Variants in ADAM12 observed in about 807,000 individuals in gnomAD.
ADAM12 encodes the protein disintegrin and metalloproteinase domain-containing protein 12.
Under a neutral mutation model 106.4 loss-of-function variants are expected in ADAM12, and 70 were observed. The ratio of observed to expected loss-of-function variants is 0.66; its 90% CI spans 0.54 to 0.80. ADAM12 has a LOEUF of 0.80. ADAM12 is among the 30% of genes least tolerant of loss of function. The pLI is 0.00. For synonymous variants in ADAM12, 420 were observed against 433.5 expected, an observed-to-expected ratio of 0.97 and a Z score of 0.39; for missense variants, 1,010 against 1,171.9, an observed-to-expected ratio of 0.86 and a Z score of 2.02.
At chr10:126,040,970 C>G (rs1253830800) in intron 18 of ADAM12, among the ~76,000 whole-genome samples, 1 of 152,078 alleles carries the variant, frequency 6.6e-6, no homozygotes, top group Non-Finnish European at 1.5e-5. Context: ...AGAATCTGAG[C>G]CCAGGCCAGT....
At chr10:126,295,389 A>G (rs977923395) in intron 2 of ADAM12, among the ~76,000 whole-genome samples, 2 of 152,196 alleles carry the variant, frequency 1.3e-5, no homozygotes, top group Non-Finnish European at 1.5e-5. Context: ...TAAGGATTAC[A>G]CCACACTGCC....
At chr10:126,141,921 A>G (rs997919349) in intron 4 of ADAM12, among the ~76,000 whole-genome samples, 1 of 152,228 alleles carries the variant, frequency 6.6e-6, no homozygotes, top group Non-Finnish European at 1.5e-5. Context: ...GCCAGAAGGA[A>G]GCTTTGGGCC....
intron 11 of ADAM12, among the ~76,000 whole-genome samples, chr10:126,084,879 G>A (rs1190141681): frequency 6.6e-6 from 1 of 152,212 alleles, no homozygotes; most frequent in Non-Finnish European, 1.5e-5. Flanking sequence ...GACCACCTGT[G>A]GGCCCTCTGG....
chr10:126,169,789 C>T (rs540106261), intron 3 of ADAM12, among the ~76,000 whole-genome samples: 1 of 152,192 alleles, frequency 6.6e-6, no homozygotes, highest in Non-Finnish European at 1.5e-5. Flanking sequence ...AAAAGTTCAG[C>T]CGACTTATTT....
chr10:126,031,050 C>G (rs1000051188), intron 21 of ADAM12, among the ~76,000 whole-genome samples: 1 of 152,150 alleles, frequency 6.6e-6, no homozygotes, highest in African/African-American at 2.4e-5. Flanking sequence ...TAACTCCAGG[C>G]TACGGCAGCA....
chr10:126,205,974 ACAT>A (rs1957787413), intron 3 of ADAM12, among the ~76,000 whole-genome samples: 1 of 152,210 alleles, frequency 6.6e-6, no homozygotes, highest in East Asian at 1.9e-4. Context: ...AAAAAATAAC[ACAT>A]CATAGTCTAA....
chr10:126,035,968 T>C (rs1398991388), intron 21 of ADAM12, among the ~76,000 whole-genome samples, 178 bp downstream of exon 21: 1 of 152,132 alleles, frequency 6.6e-6, no homozygotes. Flanking sequence ...ATTATTATAC[T>C]CCAGGCACCA....
intron 16 of ADAM12, among the ~76,000 whole-genome samples, chr10:126,047,448 T>A (rs1034623359): frequency 7.9e-5 from 12 of 152,162 alleles, no homozygotes; most frequent in African/African-American, 2.9e-4. Flanking sequence ...TGGGAATCAC[T>A]GCGGATCCCT....
chr10:126,290,687 A>G (rs561511439), intron 2 of ADAM12, among the ~76,000 whole-genome samples: 1 of 152,352 alleles, frequency 6.6e-6, no homozygotes, highest in East Asian at 1.9e-4. Flanking sequence ...TGGGCATAAT[A>G]AATGACGCTT....
intron 12 of ADAM12, among the ~76,000 whole-genome samples, chr10:126,067,447 G>A (rs1444376042): frequency 1.3e-5 from 2 of 152,162 alleles, no homozygotes; most frequent in Admixed American, 6.5e-5. Context: ...ATTGATTTGC[G>A]AGGGATTTAA....
At chr10:126,019,900 C>T (rs1953731235) in intron 21 of ADAM12, 75 bp from the exon 22 acceptor site, 4 of 1,469,710 alleles carry the variant, frequency 2.7e-6, no homozygotes, top group Non-Finnish European at 3.6e-6. Context: ...GGGCCTGCCG[C>T]TTGGCACAGG....
chr10:126,098,111 C>T (rs1480008599), intron 10 of ADAM12, among the ~76,000 whole-genome samples: 1 of 152,204 alleles, frequency 6.6e-6, no homozygotes, highest in Non-Finnish European at 1.5e-5. Context: ...TGCCCTGGCT[C>T]ACCCCAGTGC....
At chr10:126,029,897 T>G (rs1403623127) in intron 21 of ADAM12, among the ~76,000 whole-genome samples, 1 of 152,174 alleles carries the variant, frequency 6.6e-6, no homozygotes, top group African/African-American at 2.4e-5. Flanking sequence ...AGCTGGATAA[T>G]AGAATAGCTG....
chr10:126,314,164 G>A (rs1005803768), intron 2 of ADAM12, among the ~76,000 whole-genome samples: 1 of 152,306 alleles, frequency 6.6e-6, no homozygotes, highest in South Asian at 2.1e-4. Flanking sequence ...AGGTTGGCAG[G>A]AGTAGCGTGG....
At chr10:126,028,955 A>G (rs1393564437) in intron 21 of ADAM12, among the ~76,000 whole-genome samples, 1 of 152,244 alleles carries the variant, frequency 6.6e-6, no homozygotes, top group Non-Finnish European at 1.5e-5. Context: ...ACATGAACAG[A>G]CACTTCTCAA....
At chr10:126,163,558 G>A (rs908727933) in intron 3 of ADAM12, among the ~76,000 whole-genome samples, 1 of 152,088 alleles carries the variant, frequency 6.6e-6, no homozygotes, top group Non-Finnish European at 1.5e-5. Flanking sequence ...GATCAATATT[G>A]AAATTATCCA....
At position 126,350,397 on chromosome 10, in the gene ADAM12, C is replaced by T. The variant is rs532810126; in HGVS notation, c.89-19888G>A. ...ACCCACACACAGAGTCGGCCAAGCC[C>T]GAGTGAAGCAAGTTCTCTACAAGGC... is the stretch of plus-strand genomic sequence containing the variant. On this transcript the variant is annotated intron_variant, in intron 1 of 22. Coordinates refer to ENST00000448723, the MANE Select transcript of ADAM12 (RefSeq NM_001288973.2). 5.3e-5 allele frequency among the ~76,000 whole-genome samples: 8 copies of T among 152,252 alleles called. No individual in the cohort carries two copies. The East Asian group carries it at 9.7e-4, about 18-fold the overall frequency.
chr10:126,212,342 G>A (rs540132698), intron 3 of ADAM12, among the ~76,000 whole-genome samples: 1 of 152,304 alleles, frequency 6.6e-6, no homozygotes, highest in South Asian at 2.1e-4. Context: ...TGATCATGAT[G>A]CTGTCATTTT....
At chr10:126,204,943 G>A (rs777589874) in intron 3 of ADAM12, among the ~76,000 whole-genome samples, 7 of 152,196 alleles carry the variant, frequency 4.6e-5, no homozygotes, top group Non-Finnish European at 7.3e-5. Flanking sequence ...TGAGAACCAC[G>A]TTTGCCAAGA....
Sources: gnomAD v4.1 joint callset for allele counts (sites outside exome capture counted in the v4.1 genomes callset) on GRCh38, gnomAD v4.1.1 for gene constraint, MANE v1.5 for transcripts, NCBI Gene and HGNC (gene_info 2026-07-23, HGNC 2026-07-21) for gene names.